Variants in AOAH observed in about 807,000 individuals in gnomAD.
The protein encoded by AOAH is acyloxyacyl hydrolase.
AOAH carries 64 observed loss-of-function variants against 92.2 expected under a neutral mutation model. The observed-to-expected ratio is 0.69, with a 90% CI of 0.57 to 0.86. AOAH has a LOEUF of 0.86. Among genes scored for constraint, AOAH ranks in the 40% least tolerant of loss-of-function variants. The probability of loss-of-function intolerance (pLI) is 0.00; values close to 1 mark genes in which losing one functional copy is unlikely to be tolerated. For synonymous variants in AOAH, 263 were observed against 254.5 expected, an observed-to-expected ratio of 1.03 and a Z score of -0.32; for missense variants, 656 against 694.6, an observed-to-expected ratio of 0.94 and a Z score of 0.62.
At chr7:36,520,537 C>T (rs1400157611) in intron 20 of AOAH, among the ~76,000 whole-genome samples, 1 of 152,114 alleles carries the variant, frequency 6.6e-6, no homozygotes, top group Non-Finnish European at 1.5e-5. Flanking sequence ...GAAGCCCCGT[C>T]TCTACTAAAA....
At chr7:36,716,720 A>G (rs1431990981) in intron 1 of AOAH, among the ~76,000 whole-genome samples, 1 of 149,942 alleles carries the variant, frequency 6.7e-6, no homozygotes, top group Non-Finnish European at 1.5e-5. Flanking sequence ...AACTATCAGA[A>G]GGACAACAAA....
At chr7:36,723,909 C>T (rs1799808478) in intron 1 of AOAH, 113 bp downstream of exon 1, 2 of 1,259,868 alleles carry the variant, frequency 1.6e-6, no homozygotes, top group Non-Finnish European at 2.1e-6. Flanking sequence ...TGGTGCCTTA[C>T]CTGGAATCTT....
intron 4 of AOAH, among the ~76,000 whole-genome samples, chr7:36,645,476 G>A (rs1320041896): frequency 6.6e-6 from 1 of 152,198 alleles, no homozygotes; most frequent in Admixed American, 6.5e-5. Flanking sequence ...AGAGCCAACA[G>A]AGAGGTACAG....
intron 12 of AOAH, among the ~76,000 whole-genome samples, chr7:36,587,841 T>C (rs1364638558): frequency 1.3e-5 from 2 of 152,196 alleles, no homozygotes; most frequent in Non-Finnish European, 2.9e-5. Flanking sequence ...ATTATTTTCC[T>C]TGAAACTACA....
chr7:36,570,073 T>C (rs944761454), intron 13 of AOAH, among the ~76,000 whole-genome samples: 1 of 152,230 alleles, frequency 6.6e-6, no homozygotes, highest in Non-Finnish European at 1.5e-5. Flanking sequence ...TACAGTACTA[T>C]CATCTCTAGG....
chr7:36,717,591 G>GGA (rs151192886), intron 1 of AOAH, among the ~76,000 whole-genome samples: 12,296 of 151,990 alleles, frequency 0.081, 792 homozygotes, highest in South Asian at 0.13. Context: ...CGAGGCACCG[G>GGA]GAGAGAGAAC....
At chr7:36,515,519 C>CACACACAAACACT (rs1783596122) in intron 20 of AOAH, among the ~76,000 whole-genome samples, 2 of 126,498 alleles carry the variant, frequency 1.6e-5, no homozygotes, top group Non-Finnish European at 3.3e-5. Context: ...CCCCAAACAC[C>CACACACAAACACT]ACACACACCA....
At chr7:36,555,297 G>A (rs1017409088) in intron 13 of AOAH, among the ~76,000 whole-genome samples, 5 of 152,118 alleles carry the variant, frequency 3.3e-5, no homozygotes, top group African/African-American at 1.2e-4. Context: ...TTATTGACTT[G>A]CGCATACTGA....
chr7:36,637,736 G>A (rs1037792749), intron 5 of AOAH, 115 bp downstream of exon 5: 1 of 884,512 alleles, frequency 1.1e-6, no homozygotes, highest in African/African-American at 1.7e-5. Flanking sequence ...ACGTAGCTAT[G>A]GCATGTTGCA....
chr7:36,644,217 T>A (rs1584017647), intron 4 of AOAH, among the ~76,000 whole-genome samples: 1 of 151,924 alleles, frequency 6.6e-6, no homozygotes, highest in East Asian at 1.9e-4. Context: ...GGTAAATAAC[T>A]CCCCCAAAGT....
chr7:36,596,282 G>A (rs1228793365), intron 11 of AOAH, among the ~76,000 whole-genome samples: 1 of 149,738 alleles, frequency 6.7e-6, no homozygotes, highest in Non-Finnish European at 1.5e-5. Flanking sequence ...TCTTTAAACT[G>A]GGAAAAACTC....
At chr7:36,690,079 C>A in intron 1 of AOAH, 1 of 402,130 alleles carries the variant, frequency 2.5e-6, no homozygotes, top group East Asian at 8.0e-5. Context: ...TGAAACCAGC[C>A]TGCTTCTTTG....
intron 15 of AOAH, among the ~76,000 whole-genome samples, chr7:36,542,921 T>G (rs1338461038): frequency 2.6e-5 from 4 of 152,118 alleles, no homozygotes; most frequent in Non-Finnish European, 5.9e-5. Context: ...AAGAAGTAAT[T>G]TGTATGTATT....
intron 1 of AOAH, among the ~76,000 whole-genome samples, chr7:36,709,548 T>C (rs1326527474): frequency 6.6e-6 from 1 of 152,198 alleles, no homozygotes; most frequent in Non-Finnish European, 1.5e-5. Context: ...TTCTAACACC[T>C]TCATGCGATC....
chr7:36,608,586 TA>T (rs1270069660), intron 11 of AOAH, among the ~76,000 whole-genome samples: 1 of 152,228 alleles, frequency 6.6e-6, no homozygotes, highest in Admixed American at 6.5e-5. Context: ...ATGAGGAAAC[TA>T]AAGCTCAGAG....
intron 20 of AOAH, among the ~76,000 whole-genome samples, chr7:36,517,194 C>CTTTCTTTCTT (rs1472668679): frequency 1.4e-5 from 1 of 69,204 alleles, no homozygotes; most frequent in Non-Finnish European, 2.9e-5. Flanking sequence ...TTCTTTCTTT[C>CTTTCTTTCTT]TTTCTTTCTT....
intron 5 of AOAH, among the ~76,000 whole-genome samples, chr7:36,632,767 G>C (rs1181929105): frequency 6.6e-6 from 1 of 152,238 alleles, no homozygotes; most frequent in Admixed American, 6.5e-5. Flanking sequence ...TGAAGGGAGA[G>C]AGACACTGGA....
intron 13 of AOAH, among the ~76,000 whole-genome samples, chr7:36,552,235 A>T (rs369887036): frequency 2.8e-4 from 42 of 152,282 alleles, no homozygotes; most frequent in African/African-American, 1.0e-3. Context: ...GCTACCAATC[A>T]TAAGTGAGAA....
chr7:36,706,124 T>A (rs932951765), intron 1 of AOAH, among the ~76,000 whole-genome samples: 2 of 152,092 alleles, frequency 1.3e-5, no homozygotes, highest in African/African-American at 4.8e-5. Context: ...CCAAAAGCAA[T>A]GGCAACAAAA....
Sources: gnomAD v4.1 joint callset for allele counts (sites outside exome capture counted in the v4.1 genomes callset) on GRCh38, gnomAD v4.1.1 for gene constraint, MANE v1.5 for transcripts, NCBI Gene and HGNC (gene_info 2026-07-23, HGNC 2026-07-21) for gene names.